Variants in UBAP1 observed in about 807,000 individuals in gnomAD.
The protein encoded by UBAP1 is ubiquitin-associated protein 1.
In UBAP1, 5 loss-of-function variants were observed where a neutral mutation model predicts 39.0. The ratio of observed to expected loss-of-function variants is 0.13; its 90% CI spans 0.07 to 0.27. The LOEUF is 0.27. Among genes scored for constraint, UBAP1 ranks in the 10% least tolerant of loss-of-function variants. The pLI, the probability that UBAP1 is intolerant of heterozygous loss-of-function variation, is 1.00. For missense variants in UBAP1, 490 were observed against 608.1 expected (o/e 0.81, Z 2.04); for synonymous variants, 211 against 225.1 (o/e 0.94, Z 0.56).
intron 1 of UBAP1, among the ~76,000 whole-genome samples, chr9:34,180,753 A>C (rs541539072): frequency 6.6e-6 from 1 of 152,218 alleles, no homozygotes; most frequent in African/African-American, 2.4e-5. Flanking sequence ...ATTGCACAGC[A>C]GATAACTTTA....
intron 1 of UBAP1, among the ~76,000 whole-genome samples, chr9:34,188,310 T>G (rs902858908): frequency 5.9e-5 from 9 of 152,130 alleles, no homozygotes; most frequent in Non-Finnish European, 1.0e-4. Flanking sequence ...TATAGTGTCC[T>G]TCATGAAATA....
intron 2 of UBAP1, among the ~76,000 whole-genome samples, chr9:34,233,290 C>A (rs1199175800): frequency 6.7e-6 from 1 of 148,824 alleles, no homozygotes; most frequent in Non-Finnish European, 1.5e-5. Context: ...GGCGCGATCT[C>A]GGCTGACTGC....
chr9:34,194,729 A>C (rs535060269), intron 1 of UBAP1, among the ~76,000 whole-genome samples: 1 of 152,350 alleles, frequency 6.6e-6, no homozygotes, highest in Non-Finnish European at 1.5e-5. Context: ...AGATTGTTCT[A>C]AGCACTTTGT....
chr9:34,195,574 C>G (rs75339900), intron 1 of UBAP1, among the ~76,000 whole-genome samples: 2,033 of 151,278 alleles, frequency 0.013, 25 homozygotes, highest in Admixed American at 0.034. Context: ...AAAGTTGTTA[C>G]GACTGTAGAG....
Position 34,189,505 on chromosome 9 carries a change from A to G in UBAP1, c.-8+10265A>G, listed in dbSNP as rs536291785. On this transcript the variant is annotated intron_variant, in intron 1 of 6. Coordinates refer to ENST00000297661, the MANE Select transcript of UBAP1 (RefSeq NM_016525.5). ...CACCCGGCCGATCATTATGTCTTAT[A>G]GGATACCTCATGAGAGAAGTGATCT... Among the ~76,000 whole-genome samples, 226 of 151,620 alleles carry G rather than the reference A, an allele frequency of 1.5e-3. 2 individuals are homozygous for G. The highest frequency in any genetic ancestry group is 4.9e-3 in the African/African-American group (201 of 41,320).
At chr9:34,184,998 G>A (rs1229816971) in intron 1 of UBAP1, among the ~76,000 whole-genome samples, 1 of 133,434 alleles carries the variant, frequency 7.5e-6, no homozygotes, top group East Asian at 2.2e-4. Context: ...GCAATGGTGT[G>A]ATCTCGGCTC....
intron 3 of UBAP1, among the ~76,000 whole-genome samples, chr9:34,237,193 T>A (rs1833745957): frequency 6.6e-6 from 1 of 151,600 alleles, no homozygotes; most frequent in Admixed American, 6.6e-5. Context: ...CAGTACACAT[T>A]TACTAAACGC....
In UBAP1 at chr9:34,251,758, A is replaced by G. The variant is rs1426421769; in HGVS notation, c.*226A>G. ...CCAGAACTGTCCTGGCTCCTTCCGT[A>G]TTAAACGCATTTGCATTTTGAGAAG... On this transcript the variant is annotated 3_prime_UTR_variant, in exon 7 of 7. Transcript: ENST00000297661. 31 of 510,128 alleles carry G rather than the reference A, an allele frequency of 6.1e-5. No individual in the cohort carries two copies. The Admixed American group carries it at 9.3e-4, about 15-fold the overall frequency. 31.6% of individuals were successfully genotyped at this position (510,128 alleles called of 1,614,324 possible).
intron 2 of UBAP1, among the ~76,000 whole-genome samples, chr9:34,222,878 A>G (rs1232049527): frequency 6.6e-6 from 1 of 152,174 alleles, no homozygotes; most frequent in Non-Finnish European, 1.5e-5. Context: ...TTCCCTCTAG[A>G]TCCTACCTTT....
chr9:34,181,970 T>A lies in UBAP1; in HGVS notation c.-8+2730T>A, dbSNP rs551844243. 2.2e-3 allele frequency among the ~76,000 whole-genome samples: 323 copies of A among 144,752 alleles called. 5 individuals are homozygous for A. Among genetic ancestry groups the A allele is most frequent in the Non-Finnish European group, 3.5e-3 (231 of 66,302 alleles). The allele number at this position is 144,752 out of a possible 152,430, so 95.0% of individuals were successfully genotyped here. A position where few individuals can be genotyped will look rare whatever the true frequency, so the allele number is the denominator to read the frequency against. On this transcript the variant is annotated intron_variant, in intron 1 of 6. Coordinates refer to ENST00000297661, the MANE Select transcript of UBAP1 (RefSeq NM_016525.5). The stretch of plus-strand genomic sequence containing the variant: ...TTGTTAGTGCATTTTTTAATTAAAA[T>A]TTTTTTTTTTGTAGAGAAGGGGTCT...
chr9:34,224,503 G>C (rs1182980799), intron 2 of UBAP1: 3 of 390,164 alleles, frequency 7.7e-6, no homozygotes, highest in Non-Finnish European at 1.4e-5. Flanking sequence ...CTGTGTGGAC[G>C]TGGCAGGGGC....
chr9:34,228,987 G>C (rs1022051893), intron 2 of UBAP1, among the ~76,000 whole-genome samples: 4 of 152,064 alleles, frequency 2.6e-5, no homozygotes, highest in African/African-American at 9.7e-5. Context: ...TTTAAAGTAC[G>C]AAGACCCTGG....
intron 1 of UBAP1, among the ~76,000 whole-genome samples, chr9:34,204,725 C>A (rs1831589640): frequency 1.3e-5 from 2 of 152,076 alleles, no homozygotes; most frequent in South Asian, 4.1e-4. Flanking sequence ...TTCTACAAGT[C>A]TTTTAATTGC....
chr9:34,186,493 G>A (rs888740074), intron 1 of UBAP1, among the ~76,000 whole-genome samples: 2 of 152,128 alleles, frequency 1.3e-5, no homozygotes, highest in Non-Finnish European at 2.9e-5. Flanking sequence ...AGCCAGCAGT[G>A]TGTGTTTTGG....
In UBAP1 at chr9:34,201,063, G is replaced by A. The variant is rs1018730741; in HGVS notation, c.-7-19845G>A. 2.6e-5 allele frequency among the ~76,000 whole-genome samples: 4 copies of A among 152,064 alleles called. No individual in the cohort carries two copies. In the South Asian group the frequency reaches 6.2e-4, roughly 24 times the overall value. ...TGAGTAGCTGGGATTACAGGCATGC[G>A]CCACCATGCCTGCCTAATTTTTTGT... On this transcript the variant is annotated intron_variant, in intron 1 of 6. Transcript: ENST00000297661.
intron 1 of UBAP1, among the ~76,000 whole-genome samples, chr9:34,196,419 G>A (rs1563890919): frequency 1.3e-5 from 2 of 151,278 alleles, no homozygotes; most frequent in East Asian, 1.9e-4. Context: ...GGGTTCAAGC[G>A]ATTCTCCTGC....
chr9:34,205,639 A>T (rs1397038832), intron 1 of UBAP1, among the ~76,000 whole-genome samples: 1 of 152,190 alleles, frequency 6.6e-6, no homozygotes, highest in African/African-American at 2.4e-5. Flanking sequence ...ACCAGAGCTA[A>T]GGGAAATCTT....
intron 1 of UBAP1, among the ~76,000 whole-genome samples, chr9:34,186,298 A>G (rs1830402875): frequency 6.6e-6 from 1 of 152,178 alleles, no homozygotes; most frequent in South Asian, 2.1e-4. Flanking sequence ...TCTTTTTTAT[A>G]TTGCTGAGTC....
intron 1 of UBAP1, among the ~76,000 whole-genome samples, chr9:34,182,643 C>G (rs1188918122): frequency 1.1e-5 from 1 of 91,822 alleles, no homozygotes; most frequent in Non-Finnish European, 2.6e-5. Flanking sequence ...TTCTTTCTTT[C>G]TTTCTTTCTT....
Sources: allele counts gnomAD v4.1 joint callset (sites outside exome capture counted in the v4.1 genomes callset), GRCh38; gene constraint gnomAD v4.1.1; transcripts MANE v1.5; gene names NCBI Gene and HGNC (gene_info 2026-07-23, HGNC 2026-07-21).